EPB41L3: variants seen among roughly 807,000 people sequenced by gnomAD.
EPB41L3 encodes band 4.1-like protein 3.
Under a neutral mutation model 127.1 loss-of-function variants are expected in EPB41L3, and 57 were observed. The observed-to-expected ratio is 0.45, with a 90% CI of 0.36 to 0.56. The LOEUF is 0.56. Ranked by LOEUF, EPB41L3 falls within the 20% of genes least tolerant of loss-of-function variation. The pLI, the probability that EPB41L3 is intolerant of heterozygous loss-of-function variation, is 0.00. For missense variants in EPB41L3, 1,273 were observed against 1,372.2 expected, an observed-to-expected ratio of 0.93 and a Z score of 1.14; for synonymous variants, 572 against 549.5, an observed-to-expected ratio of 1.04 and a Z score of -0.57.
intron 3 of EPB41L3, among the ~76,000 whole-genome samples, chr18:5,565,132 C>T (rs1457495126): frequency 2.0e-5 from 3 of 151,798 alleles, no homozygotes; most frequent in Non-Finnish European, 2.9e-5. Flanking sequence ...CACGGTGGCT[C>T]GCACCTGTAA....
chr18:5,624,420 G>A (rs1040244773), intron 1 of EPB41L3, among the ~76,000 whole-genome samples: 2 of 152,186 alleles, frequency 1.3e-5, no homozygotes, highest in Non-Finnish European at 2.9e-5. Flanking sequence ...TGAAATCTCT[G>A]TCTAGCTCAC....
Position 5,478,230 on chromosome 18 carries a change from C to T in EPB41L3, c.381+11G>A, listed in dbSNP as rs1265876028. 1.2e-6 allele frequency: 2 copies of T among 1,612,642 alleles called. No homozygotes were observed. The highest frequency in any genetic ancestry group is 1.7e-6 in the Non-Finnish European group (2 of 1,178,908). On this transcript the variant is annotated intron_variant, in intron 3 of 22. Coordinates refer to ENST00000341928, the MANE Select transcript of EPB41L3 (RefSeq NM_012307.5). ...TATCTAGGACAGAAAAGTCTTAAGA[C>T]ACACACTTACCTCTACATCACAGGT...
chr18:5,442,954 G>A (rs192201288), intron 5 of EPB41L3, among the ~76,000 whole-genome samples: 28 of 152,226 alleles, frequency 1.8e-4, no homozygotes, highest in African/African-American at 6.7e-4. Context: ...TTCCACTAAA[G>A]AGAGCTAAGA....
At chr18:5,584,273 C>T (rs2094423258) in intron 3 of EPB41L3, among the ~76,000 whole-genome samples, 1 of 152,216 alleles carries the variant, frequency 6.6e-6, no homozygotes, top group Non-Finnish European at 1.5e-5. Context: ...AGGGCCTATG[C>T]TGCAGATCCA....
At chr18:5,504,617 T>C (rs2092002399) in intron 1 of EPB41L3, among the ~76,000 whole-genome samples, 1 of 152,124 alleles carries the variant, frequency 6.6e-6, no homozygotes, top group African/African-American at 2.4e-5. Context: ...AGTAACCAAA[T>C]AGGGCCACAG....
At chr18:5,447,338 G>A (rs1288274277) in intron 3 of EPB41L3, among the ~76,000 whole-genome samples, 3 of 151,896 alleles carry the variant, frequency 2.0e-5, no homozygotes, top group Non-Finnish European at 4.4e-5. Context: ...GTTTTCTATA[G>A]GAGCACATAT....
At chr18:5,525,699 G>C (rs527753732) in intron 1 of EPB41L3, among the ~76,000 whole-genome samples, 9 of 152,196 alleles carry the variant, frequency 5.9e-5, no homozygotes, top group Admixed American at 4.6e-4. Context: ...TGTAATATAT[G>C]AAATGAGAAT....
chr18:5,533,410 G>C lies in EPB41L3; in HGVS notation c.-12+10503C>G, dbSNP rs550675113. ...GAGTGTGTGTGTCCTTCTCGGATAT[G>C]AGCATAGGAAAAAATGCTAATAAAT... On this transcript the variant is annotated intron_variant, in intron 1 of 22. Transcript: ENST00000341928. 2.6e-5 allele frequency among the ~76,000 whole-genome samples: 4 copies of C among 152,264 alleles called. No homozygotes were observed. In the East Asian group the frequency reaches 7.7e-4, roughly 29 times the overall value.
intron 3 of EPB41L3, among the ~76,000 whole-genome samples, chr18:5,584,080 G>C (rs1026874311): frequency 6.6e-6 from 1 of 152,186 alleles, no homozygotes; most frequent in African/African-American, 2.4e-5. Flanking sequence ...AGGATTACAG[G>C]TGTGAGCCTC....
upstream of EPB41L3, chr18:5,544,006 G>A: frequency 4.1e-6 from 4 of 985,550 alleles, no homozygotes; most frequent in Non-Finnish European, 4.8e-6. Flanking sequence ...TCGGGCGTGG[G>A]GAGGAAGCCG....
chr18:5,488,860 A>G (rs2090218824), intron 2 of EPB41L3, 141 bp downstream of exon 2: 4 of 891,316 alleles, frequency 4.5e-6, no homozygotes, highest in Non-Finnish European at 6.4e-6. Flanking sequence ...AAAATAGCAT[A>G]CATTTTCATC....
At position 5,395,051 on chromosome 18, in the gene EPB41L3, G is replaced by T. The variant is rs766905896; in HGVS notation, c.3153+16C>A. The T allele has an allele frequency of 1.5e-5, 24 of 1,611,606 alleles. No individual in the cohort carries two copies. The highest frequency in any genetic ancestry group is 1.8e-5 in the Non-Finnish European group (21 of 1,177,804). Reference sequence around the variant, plus strand: ...TTGTTTCTCTGCCAGGGTATTTACCGTCTCACACACACTACCTGGTCATGG... The same window carrying T: ...TTGTTTCTCTGCCAGGGTATTTACCTTCTCACACACACTACCTGGTCATGG... On this transcript the variant is annotated intron_variant, in intron 21 of 22. Coordinates refer to ENST00000341928, the MANE Select transcript of EPB41L3 (RefSeq NM_012307.5).
At chr18:5,449,193 C>T (rs548918423) in intron 3 of EPB41L3, among the ~76,000 whole-genome samples, 1 of 152,130 alleles carries the variant, frequency 6.6e-6, no homozygotes, top group Non-Finnish European at 1.5e-5. Flanking sequence ...TTACACCTTA[C>T]CAAAGATATA....
At chr18:5,558,511 A>T (rs753396154) in intron 3 of EPB41L3, among the ~76,000 whole-genome samples, 19 of 152,216 alleles carry the variant, frequency 1.2e-4, no homozygotes, top group African/African-American at 4.3e-4. Flanking sequence ...TGGAGAGTGT[A>T]CGCCTATAGT....
chr18:5,493,487 A>G (rs2090834066), intron 1 of EPB41L3, among the ~76,000 whole-genome samples: 1 of 152,152 alleles, frequency 6.6e-6, no homozygotes, highest in African/African-American at 2.4e-5. Context: ...AGTACTATCC[A>G]CCAGTCTGCT....
intron 1 of EPB41L3, among the ~76,000 whole-genome samples, chr18:5,625,348 G>A (rs1017887457): frequency 1.3e-5 from 2 of 151,936 alleles, no homozygotes; most frequent in Admixed American, 6.6e-5. Flanking sequence ...GTGGCAGTGG[G>A]AGTTACCACC....
chr18:5,552,125 C>CA (rs2093975175), intron 3 of EPB41L3, among the ~76,000 whole-genome samples: 1 of 152,250 alleles, frequency 6.6e-6, no homozygotes, highest in Non-Finnish European at 1.5e-5. Context: ...CACTGGATGA[C>CA]ATGTGCATGT....
intron 3 of EPB41L3, among the ~76,000 whole-genome samples, chr18:5,597,715 C>G (rs1294530188): frequency 2.6e-5 from 4 of 152,170 alleles, no homozygotes; most frequent in African/African-American, 9.7e-5. Flanking sequence ...TGGAAGGGAA[C>G]AGCAGAAGTC....
chr18:5,431,209 A>G (rs1388921642), intron 8 of EPB41L3: 1 of 152,180 alleles, frequency 6.6e-6, no homozygotes, highest in Non-Finnish European at 1.5e-5. Flanking sequence ...AAAACATAGG[A>G]CCTTTGTGTA....
Sources: allele counts gnomAD v4.1 joint callset (sites outside exome capture counted in the v4.1 genomes callset), GRCh38; gene constraint gnomAD v4.1.1; transcripts MANE v1.5; gene names NCBI Gene and HGNC (gene_info 2026-07-23, HGNC 2026-07-21).